Variants in CFAP68 observed in about 807,000 individuals in gnomAD.
CFAP68 encodes cilia- and flagella-associated protein 68.
chr11:111,884,505 T>A, the CFAP68 span: 3 of 151,560 alleles, frequency 2.0e-5, no homozygotes, highest in Non-Finnish European at 4.4e-5. Flanking sequence ...ATTATTTCTC[T>A]GAAGTCTACA....
chr11:111,879,623 C>A, the CFAP68 span: 4 of 1,609,122 alleles, frequency 2.5e-6, no homozygotes, highest in Middle Eastern at 1.7e-4. Context: ...AATCTCCTAT[C>A]TTCTATTCGT....
At chr11:111,881,175 G>C in the CFAP68 span, 2 of 1,264,996 alleles carry the variant, frequency 1.6e-6, no homozygotes, top group Non-Finnish European at 1.0e-6. Context: ...CTTCTGGCTT[G>C]GACAACTGAG....
At chr11:111,885,298 C>G in the CFAP68 span, 3 of 152,174 alleles carry the variant, frequency 2.0e-5, no homozygotes, top group Non-Finnish European at 4.4e-5. Context: ...GGCAACATAG[C>G]AAGACCCCAT....
At chr11:111,885,562 C>T in the CFAP68 span, 40,733 of 151,906 alleles carry the variant, frequency 0.27, 5,666 homozygotes, top group Admixed American at 0.34. Flanking sequence ...TAAAATGAGT[C>T]AAAATAGGGA....
the CFAP68 span, among the ~76,000 whole-genome samples, chr11:111,882,944 T>C: frequency 6.6e-6 from 1 of 152,152 alleles, no homozygotes; most frequent in Non-Finnish European, 1.5e-5. Context: ...TTTATCTGAG[T>C]CTTGCACTTA....
At chr11:111,882,266 G>C in the CFAP68 span, 1 of 888,440 alleles carries the variant, frequency 1.1e-6, no homozygotes, top group Non-Finnish European at 1.8e-6. Context: ...TTAGTACGGT[G>C]TGCTTGTGTT....
the CFAP68 span, chr11:111,881,309 A>G: frequency 4.9e-6 from 7 of 1,434,016 alleles, no homozygotes; most frequent in Non-Finnish European, 6.4e-6. Context: ...TGGTAACATC[A>G]GTGCATGCAT....
At chr11:111,880,662 G>A in the CFAP68 span, 1 of 395,254 alleles carries the variant, frequency 2.5e-6, no homozygotes, top group Non-Finnish European at 5.1e-6. Flanking sequence ...CCATAAAAAT[G>A]GGCAACCAGC....
At chr11:111,883,629 G>C in the CFAP68 span, 2 of 659,868 alleles carry the variant, frequency 3.0e-6, no homozygotes, top group East Asian at 2.7e-5. Flanking sequence ...ATAACTACAT[G>C]AATGAGTAAA....
the CFAP68 span, chr11:111,881,429 C>T: frequency 6.5e-7 from 1 of 1,534,348 alleles, no homozygotes; most frequent in South Asian, 1.2e-5. Flanking sequence ...GGTGGTGACT[C>T]CCAAATCATG....
At chr11:111,882,527 C>T in the CFAP68 span, 1 of 1,614,036 alleles carries the variant, frequency 6.2e-7, no homozygotes, top group Non-Finnish European at 8.5e-7. Flanking sequence ...AAACCGTACC[C>T]TGATGGGCAA....
the CFAP68 span, chr11:111,885,690 T>C: frequency 1.3e-5 from 2 of 152,212 alleles, no homozygotes; most frequent in Non-Finnish European, 2.9e-5. Flanking sequence ...TTATCTACTG[T>C]GTAAGAAGAC....
chr11:111,883,051 G>A, the CFAP68 span: 175 of 1,002,994 alleles, frequency 1.7e-4, 1 homozygote, highest in African/African-American at 1.6e-3. Flanking sequence ...ATGACAGTCC[G>A]TGAGAATTCA....
the CFAP68 span, chr11:111,885,701 A>G: frequency 2.0e-5 from 3 of 152,202 alleles, no homozygotes; most frequent in Admixed American, 6.5e-5. Context: ...GTAAGAAGAC[A>G]CTATAATATA....
the CFAP68 span, chr11:111,879,739 T>C: frequency 2.0e-6 from 2 of 981,708 alleles, no homozygotes; most frequent in Admixed American, 3.6e-5. Flanking sequence ...GCCTGCAGTC[T>C]GGTGGGGAAT....
the CFAP68 span, chr11:111,881,550 G>T: frequency 6.5e-7 from 1 of 1,535,904 alleles, no homozygotes; most frequent in Non-Finnish European, 8.7e-7. Context: ...GGATTTCTGT[G>T]ACTCTCATAA....
At chr11:111,880,698 G>A in the CFAP68 span, 1 of 451,176 alleles carries the variant, frequency 2.2e-6, no homozygotes, top group Non-Finnish European at 4.5e-6. Flanking sequence ...TCTGCATATG[G>A]AGTAGCCATT....
chr11:111,883,002 G>A, the CFAP68 span: 2 of 742,382 alleles, frequency 2.7e-6, no homozygotes, highest in Non-Finnish European at 4.6e-6. Flanking sequence ...AAGTTAGAAG[G>A]ATATAGACTA....
the CFAP68 span, chr11:111,882,380 G>A: frequency 2.6e-5 from 42 of 1,613,512 alleles, 1 homozygote; most frequent in South Asian, 1.8e-4. Flanking sequence ...ACAGAACCTC[G>A]CCTGTTTCCT....
Sources: allele counts gnomAD v4.1 joint callset (sites outside exome capture counted in the v4.1 genomes callset), GRCh38; gene constraint gnomAD v4.1.1; transcripts MANE v1.5; gene names NCBI Gene and HGNC (gene_info 2026-07-23, HGNC 2026-07-21).